MXRA7: variants seen among roughly 807,000 people sequenced by gnomAD.
The protein encoded by MXRA7 is matrix remodeling associated 7, also known as matrix-remodeling-associated protein 7.
A neutral mutation model predicts 17.4 loss-of-function variants in MXRA7; 18 were observed. The ratio of observed to expected loss-of-function variants is 1.03; its 90% confidence interval spans 0.71 to 1.53. The LOEUF (loss-of-function observed/expected upper bound fraction) is 1.53, where lower values mean the gene tolerates loss of function less well. Among genes scored for constraint, MXRA7 ranks in the 40% most tolerant of loss-of-function variants. The probability of loss-of-function intolerance (pLI) is 0.00; values close to 1 mark genes in which losing one functional copy is unlikely to be tolerated. For missense variants in MXRA7, 141 were observed against 209.3 expected (o/e 0.67, Z 2.01); for synonymous variants, 70 against 101.7 (o/e 0.69, Z 1.87).
intron 1 of MXRA7, among the ~76,000 whole-genome samples, chr17:76,696,260 C>G (rs970554297): frequency 1.3e-5 from 2 of 152,098 alleles, no homozygotes; most frequent in African/African-American, 4.8e-5. Flanking sequence ...TGGCTCACAC[C>G]TGTAATGCCA....
intron 1 of MXRA7, chr17:76,688,635 TCTCAGTG>T: frequency 8.1e-7 from 1 of 1,241,404 alleles, no homozygotes; most frequent in Non-Finnish European, 1.0e-6. Flanking sequence ...TCCCCAACTC[TCTCAGTG>T]TCCATGTTCC....
In MXRA7 at chr17:76,681,122, C is replaced by G. The variant is rs2076297584; in HGVS notation, c.501-243G>C. ...CTTGATCCCGCACAGAACCTGGCAGCCCACAGACCCTGTTCAGCCTCTGCA... is the reference window on the plus strand; with the variant it reads ...CTTGATCCCGCACAGAACCTGGCAGGCCACAGACCCTGTTCAGCCTCTGCA... On this transcript the variant is annotated intron_variant, in intron 3 of 3. Coordinates refer to ENST00000449428, the MANE Select transcript of MXRA7 (RefSeq NM_198530.4). The surrounding 1 kb of genome is among the most constrained non-coding windows in gnomAD (Gnocchi z 4.7). 6.6e-6 allele frequency among the ~76,000 whole-genome samples: 1 copy of G among 152,174 alleles called. No homozygotes were observed. Among genetic ancestry groups the G allele is most frequent in the South Asian group, 2.1e-4 (1 of 4,824 alleles).
Position 76,681,262 on chromosome 17 carries a change from G to A in MXRA7, c.501-383C>T, listed in dbSNP as rs1423982369. Among the ~76,000 whole-genome samples the A allele has an allele frequency of 1.3e-5, 2 of 152,144 alleles. No individual in the cohort carries two copies. Among genetic ancestry groups the A allele is most frequent in the East Asian group, 3.9e-4 (2 of 5,192 alleles). On this transcript the variant is annotated intron_variant, in intron 3 of 3. Coordinates refer to ENST00000449428, the MANE Select transcript of MXRA7 (RefSeq NM_198530.4). The surrounding 1 kb of genome is among the most constrained non-coding windows in gnomAD (Gnocchi z 4.7). Reference sequence around the variant, plus strand: ...CCCTAGATAATTTCCCATTCCCGCTGGCTGAGTTTTGTCCCCTCGGGGGAT... The same window carrying A: ...CCCTAGATAATTTCCCATTCCCGCTAGCTGAGTTTTGTCCCCTCGGGGGAT...
At chr17:76,682,700 C>T (rs1021765972) in intron 3 of MXRA7, among the ~76,000 whole-genome samples, 4 of 152,086 alleles carry the variant, frequency 2.6e-5, no homozygotes, top group South Asian at 4.1e-4. Flanking sequence ...CAGATGCCAC[C>T]GGCATGCCTA....
intron 1 of MXRA7, among the ~76,000 whole-genome samples, chr17:76,695,654 G>A (rs1337026465): frequency 6.6e-6 from 1 of 152,128 alleles, no homozygotes; most frequent in Non-Finnish European, 1.5e-5. Flanking sequence ...GGTCCGAGAT[G>A]GGCTTGCCAG....
chr17:76,697,308 T>C (rs2076542651), intron 1 of MXRA7, among the ~76,000 whole-genome samples: 1 of 152,040 alleles, frequency 6.6e-6, no homozygotes, highest in Non-Finnish European at 1.5e-5. Flanking sequence ...AGACAGGGCT[T>C]AGGAGGACCC....
chr17:76,677,720 CAA>C (rs749552857), downstream of MXRA7: 2 of 1,593,532 alleles, frequency 1.3e-6, no homozygotes, highest in Non-Finnish European at 1.7e-6. Flanking sequence ...GAAGAAAGGA[CAA>C]AGAGGAAGAA....
chr17:76,673,486 C>G (rs915801139), exon 4 of MXRA7: 2 of 152,252 alleles, frequency 1.3e-5, no homozygotes, highest in South Asian at 4.1e-4. Context: ...TATACTGTTG[C>G]TTTCAGAAAT....
In MXRA7 at chr17:76,702,729, G is replaced by A. The variant is rs955233897; in HGVS notation, c.342+7876C>T. ...TAGCTGGGTGTGGTGGTAGGTGCCT[G>A]TAATCCCAACTATTTGGGAGCCTGA... On this transcript the variant is annotated intron_variant, in intron 1 of 3. Transcript: ENST00000449428. Among the ~76,000 whole-genome samples, 9 of 151,722 alleles carry A rather than the reference G, an allele frequency of 5.9e-5. 1 individual carries two copies. The South Asian group carries it at 6.3e-4, about 11-fold the overall frequency.
intron 1 of MXRA7, among the ~76,000 whole-genome samples, chr17:76,691,125 T>C (rs2076475056): frequency 6.6e-6 from 1 of 152,156 alleles, no homozygotes; most frequent in African/African-American, 2.4e-5. Context: ...CTCCAGAGAC[T>C]GGAGAGGAGC....
intron 1 of MXRA7, among the ~76,000 whole-genome samples, chr17:76,706,433 CCACACTGCCATCAAAAAGGA>C (rs1384916358): frequency 4.1e-5 from 6 of 146,676 alleles, no homozygotes; most frequent in Admixed American, 2.7e-4. Context: ...TCACAAAGGA[CCACACTGCCATCAAAAAGGA>C]CCACACTGCC....
chr17:76,688,787 G>A (rs572262726), intron 1 of MXRA7: 4 of 768,652 alleles, frequency 5.2e-6, no homozygotes, highest in East Asian at 3.4e-5. Flanking sequence ...GTCAGAGGAT[G>A]AGAGCGACGT....
intron 2 of MXRA7, 46 bp downstream of exon 2, chr17:76,688,067 C>G: frequency 6.2e-7 from 1 of 1,600,566 alleles, no homozygotes; most frequent in Admixed American, 1.7e-5. Flanking sequence ...CACAGACCAC[C>G]CCCGACACTG....
downstream of MXRA7, chr17:76,674,874 A>G (rs1170925590): frequency 6.6e-6 from 1 of 152,262 alleles, no homozygotes; most frequent in African/African-American, 2.4e-5. Context: ...CAAGCAAGAC[A>G]TGCCCTTTTC....
downstream of MXRA7, among the ~76,000 whole-genome samples, chr17:76,678,996 C>A (rs1466669348): frequency 6.6e-6 from 1 of 152,092 alleles, no homozygotes; most frequent in Non-Finnish European, 1.5e-5. Context: ...TTTGTGCCCT[C>A]CTGTAAGAAG....
At chr17:76,709,480 G>C (rs541175592) in intron 1 of MXRA7, 1 of 152,250 alleles carries the variant, frequency 6.6e-6, no homozygotes, top group Non-Finnish European at 1.5e-5. Flanking sequence ...CTGCTCAGAG[G>C]GGGTCTGGCG....
intron 3 of MXRA7, among the ~76,000 whole-genome samples, chr17:76,683,092 G>A (rs1313159747): frequency 6.6e-6 from 1 of 152,204 alleles, no homozygotes; most frequent in Non-Finnish European, 1.5e-5. Flanking sequence ...TGTTCTAAGA[G>A]GCCCTCCAGA....
chr17:76,710,954 C>T lies in MXRA7; in HGVS notation c.-8G>A, dbSNP rs1443805829. On this transcript the variant is annotated 5_prime_UTR_variant, in exon 1 of 4. Coordinates refer to ENST00000449428, the MANE Select transcript of MXRA7 (RefSeq NM_198530.4). The stretch of plus-strand genomic sequence containing the variant: ...CTCGGCCGGCGCCTCCATCGCGCCG[C>T]GGCCGCCGAGTGCGGGCCAGCTGGG... 60 of 992,278 alleles carry T rather than the reference C, an allele frequency of 6.0e-5. No homozygotes were observed. Among genetic ancestry groups the T allele is most frequent in the Non-Finnish European group, 7.0e-5 (59 of 837,490 alleles). The allele number at this position is 992,278 out of a possible 1,614,324, so 61.5% of individuals were successfully genotyped here. A position where few individuals can be genotyped will look rare whatever the true frequency, so the allele number is the denominator to read the frequency against.
At chr17:76,690,009 T>TAAAAAAAGAAAAAAAG (rs71158051) in intron 1 of MXRA7, 1 of 130,940 alleles carries the variant, frequency 7.6e-6, no homozygotes, top group Non-Finnish European at 1.6e-5. Context: ...GACTGCATCT[T>TAAAAAAAGAAAAAAAG]AAAAAAAGAA....
Sources: allele counts gnomAD v4.1 joint callset (sites outside exome capture counted in the v4.1 genomes callset), GRCh38; gene constraint gnomAD v4.1.1; non-coding constraint Gnocchi (gnomAD v3.1); transcripts MANE v1.5; gene names NCBI Gene and HGNC (gene_info 2026-07-23, HGNC 2026-07-21).